The following KIRREL3 variants were observed in gnomAD, a reference collection of about 807,000 sequenced individuals.
KIRREL3 encodes the protein kin of IRRE-like protein 3.
In KIRREL3, 36 loss-of-function variants were observed where a neutral mutation model predicts 89.7. The observed-to-expected ratio is 0.40, with a 90% CI of 0.31 to 0.53. KIRREL3 has a LOEUF of 0.53. Ranked by LOEUF, KIRREL3 falls within the 20% of genes least tolerant of loss-of-function variation. The pLI is 0.49. For synonymous variants in KIRREL3, 445 were observed against 441.4 expected (o/e 1.01, Z -0.10); for missense variants, 864 against 1,056.6 (o/e 0.82, Z 2.53).
At chr11:126,549,291 G>T (rs1298405252) in intron 2 of KIRREL3, 4 of 152,160 alleles carry the variant, frequency 2.6e-5, no homozygotes, top group Non-Finnish European at 5.9e-5. Context: ...AGTTTCCATA[G>T]AAACGAATAC....
rs773309646 is a variant in KIRREL3, at chr11:126,578,984, C to G, written c.56-16072G>C. ...GACTTATGAAGACACTGAGGACCAGCAAGGCGAGACAACTGTTTGAGGCCA... is the reference window on the plus strand; with the variant it reads ...GACTTATGAAGACACTGAGGACCAGGAAGGCGAGACAACTGTTTGAGGCCA... On this transcript the variant is annotated intron_variant, in intron 1 of 16. Transcript: ENST00000525144. This position sits in a 1 kb window ranked among gnomAD's most constrained non-coding sequence, Gnocchi z 4.9. Among the ~76,000 whole-genome samples, 1 of 152,162 alleles carries G rather than the reference C, an allele frequency of 6.6e-6. No homozygotes were observed. Among genetic ancestry groups the G allele is most frequent in the African/African-American group, 2.4e-5 (1 of 41,430 alleles).
At chr11:126,936,646 A>G (rs1948202778) in intron 1 of KIRREL3, 1 of 152,196 alleles carries the variant, frequency 6.6e-6, no homozygotes, top group African/African-American at 2.4e-5. Flanking sequence ...AGTGAAAGCA[A>G]CCAGATACAA....
chr11:126,753,430 A>C (rs1949400470), intron 1 of KIRREL3, among the ~76,000 whole-genome samples: 1 of 152,228 alleles, frequency 6.6e-6, no homozygotes, highest in Non-Finnish European at 1.5e-5. Context: ...ATTACTTAGG[A>C]AAAAACAACA....
intron 2 of KIRREL3, among the ~76,000 whole-genome samples, chr11:126,536,069 A>G (rs755362121): frequency 3.3e-5 from 5 of 152,132 alleles, no homozygotes; most frequent in Non-Finnish European, 7.4e-5. Flanking sequence ...CCAAGATCGC[A>G]CCATTGCACT....
intron 1 of KIRREL3, among the ~76,000 whole-genome samples, chr11:126,862,198 A>G (rs938994137): frequency 6.6e-6 from 1 of 152,224 alleles, no homozygotes; most frequent in African/African-American, 2.4e-5. Context: ...CCTGATGATA[A>G]AGGAGATGCT....
intron 1 of KIRREL3, among the ~76,000 whole-genome samples, chr11:126,929,956 C>CG (rs1295712131): frequency 6.6e-6 from 1 of 152,050 alleles, no homozygotes; most frequent in Non-Finnish European, 1.5e-5. Flanking sequence ...CCACCCCCCC[C>CG]CCCCCACCTC....
rs1955287512 is a variant in KIRREL3 at position 126,435,406 on chromosome 11, T to A, written c.1553-103A>T. The A allele has an allele frequency of 2.6e-6, 3 of 1,145,508 alleles. No individual in the cohort carries two copies. The South Asian group carries it at 3.8e-5, about 14-fold the overall frequency. The allele number at this position is 1,145,508 out of a possible 1,614,324, so 71.0% of individuals were successfully genotyped here. A position where few individuals can be genotyped will look rare whatever the true frequency, so the allele number is the denominator to read the frequency against. On this transcript the variant is annotated intron_variant, in intron 12 of 16. Coordinates refer to ENST00000525144, the MANE Select transcript of KIRREL3 (RefSeq NM_032531.4). ...GAGCGGGGCTGGGTGAGGGGCTCCT[T>A]TCCCAGTCATGTCTCTGGGACCCCC...
chr11:126,616,725 T>A (rs1428250971), intron 1 of KIRREL3, among the ~76,000 whole-genome samples: 1 of 152,230 alleles, frequency 6.6e-6, no homozygotes, highest in Admixed American at 6.5e-5. Flanking sequence ...CACTCCAGCA[T>A]TGAATTCCTG....
chr11:126,940,190 A>C lies in KIRREL3; in HGVS notation c.55+60265T>G, dbSNP rs1224242362. Among the ~76,000 whole-genome samples the C allele has an allele frequency of 6.6e-6, 1 of 152,214 alleles. No homozygotes were observed. Among genetic ancestry groups the C allele is most frequent in the African/African-American group, 2.4e-5 (1 of 41,456 alleles). ...TCCACAAACAGCCTGCTCTCAAAGG[A>C]TTGTCAAACGTGCAACAAATCAGTG... On this transcript the variant is annotated intron_variant, in intron 1 of 16. Coordinates refer to ENST00000525144, the MANE Select transcript of KIRREL3 (RefSeq NM_032531.4). The surrounding 1 kb of genome is among the most constrained non-coding windows in gnomAD (Gnocchi z 4.6).
rs535537899 is a variant in KIRREL3 at position 126,696,668 on chromosome 11, G to T, written c.56-133756C>A. Among the ~76,000 whole-genome samples, 1 of 152,098 alleles carries T rather than the reference G, an allele frequency of 6.6e-6. No individual in the cohort carries two copies. The highest frequency in any genetic ancestry group is 1.5e-5 in the Non-Finnish European group (1 of 68,024). The stretch of plus-strand genomic sequence containing the variant: ...CCGAAAGGGTGGCTCAAACCACATC[G>T]CATGGCTCATAAGGCCCTTGGCGAG... On this transcript the variant is annotated intron_variant, in intron 1 of 16. Coordinates refer to ENST00000525144, the MANE Select transcript of KIRREL3 (RefSeq NM_032531.4). This position sits in a 1 kb window ranked among gnomAD's most constrained non-coding sequence, Gnocchi z 4.4.
intron 1 of KIRREL3, among the ~76,000 whole-genome samples, chr11:126,625,993 T>C (rs879369128): frequency 3.3e-5 from 5 of 152,254 alleles, no homozygotes; most frequent in Admixed American, 6.5e-5. Context: ...GTCTTTGTCA[T>C]TTTTGTCCTC....
At chr11:126,923,195 CTTCT>C (rs1592369275) in intron 1 of KIRREL3, among the ~76,000 whole-genome samples, 3 of 9,288 alleles carry the variant, frequency 3.2e-4, no homozygotes, top group African/African-American at 1.1e-3. Flanking sequence ...TTCTCTTCTT[CTTCT>C]TCTTCTTCTT....
At chr11:126,730,030 C>T (rs1948550104) in intron 1 of KIRREL3, among the ~76,000 whole-genome samples, 1 of 152,174 alleles carries the variant, frequency 6.6e-6, no homozygotes, top group East Asian at 1.9e-4. Flanking sequence ...GTTTCCATTC[C>T]CTCTCAGTCC....
rs779261514 is a variant in KIRREL3 at position 126,995,179 on chromosome 11, A to C, written c.55+5276T>G. 74 of 456,102 alleles carry C rather than the reference A, an allele frequency of 1.6e-4. 3 individuals carry two copies. The highest frequency in any genetic ancestry group is 1.1e-3 in the South Asian group (69 of 64,552). 28.3% of individuals were successfully genotyped at this position (456,102 alleles called of 1,614,324 possible). On this transcript the variant is annotated intron_variant, in intron 1 of 16. Transcript: ENST00000525144. The surrounding 1 kb of genome is among the most constrained non-coding windows in gnomAD (Gnocchi z 6.5). ...GGATATGAAATCCAAGGGAACTGTT[A>C]GCCCCCCAGAGCAGCTGCTCCCACC...
intron 1 of KIRREL3, among the ~76,000 whole-genome samples, chr11:126,725,057 G>A (rs978901161): frequency 6.6e-6 from 1 of 152,152 alleles, no homozygotes; most frequent in Non-Finnish European, 1.5e-5. Context: ...CTGTCTTCTG[G>A]TGCCTGCTTA....
chr11:126,911,581 C>A (rs1275196408), intron 1 of KIRREL3, among the ~76,000 whole-genome samples: 1 of 152,178 alleles, frequency 6.6e-6, no homozygotes, highest in Non-Finnish European at 1.5e-5. Flanking sequence ...AATGATCTGA[C>A]CTGTGGACCA....
At position 126,557,084 on chromosome 11, in the gene KIRREL3, AAC is replaced by A. The variant is rs1475039913; in HGVS notation, c.133+5749_133+5750del. On this transcript the variant is annotated intron_variant, in intron 2 of 16. Transcript: ENST00000525144. The surrounding 1 kb of genome is among the most constrained non-coding windows in gnomAD (Gnocchi z 5.6). ...AGCGCGAGCCAGACTGTACGGCTGC[AAC>A]AGAGTGAGAAGTGCTGCCGGTAGCA... Among the ~76,000 whole-genome samples the A allele has an allele frequency of 6.6e-6, 1 of 152,174 alleles. No homozygotes were observed. The highest frequency in any genetic ancestry group is 6.5e-5 in the Admixed American group (1 of 15,284).
rs4937184 is a variant in KIRREL3 at position 126,776,590 on chromosome 11, A to G, written c.56-213678T>C. The stretch of plus-strand genomic sequence containing the variant: ...GAGATTGAGTCCTTCTCTAGCAATA[A>G]GACCTAGCATGACTCAAAAGCTTGC... On this transcript the variant is annotated intron_variant, in intron 1 of 16. Coordinates refer to ENST00000525144, the MANE Select transcript of KIRREL3 (RefSeq NM_032531.4). This position sits in a 1 kb window ranked among gnomAD's most constrained non-coding sequence, Gnocchi z 4.7. 0.87 allele frequency among the ~76,000 whole-genome samples: 132,136 copies of G among 152,228 alleles called. 57,638 individuals are homozygous for G. The highest frequency in any genetic ancestry group is 1 in the East Asian group (5,173 of 5,180).
In KIRREL3 at chr11:126,520,919, G is replaced by A. The variant is rs761561074; in HGVS notation, c.433+396C>T. Among the ~76,000 whole-genome samples, 7 of 152,150 alleles carry A rather than the reference G, an allele frequency of 4.6e-5. No homozygotes were observed. The East Asian group carries it at 9.6e-4, about 21-fold the overall frequency. ...GGAAAGATAGGGCTTTGTTAGCACC[G>A]GAGTGGGGGTCAGTTCAGAAAGAAG... On this transcript the variant is annotated intron_variant, in intron 4 of 16. Coordinates refer to ENST00000525144, the MANE Select transcript of KIRREL3 (RefSeq NM_032531.4). The surrounding 1 kb of genome is among the most constrained non-coding windows in gnomAD (Gnocchi z 4.9).
Sources: gnomAD v4.1 joint callset for allele counts (sites outside exome capture counted in the v4.1 genomes callset) on GRCh38, gnomAD v4.1.1 for gene constraint, Gnocchi (gnomAD v3.1) non-coding constraint, MANE v1.5 for transcripts, NCBI Gene and HGNC (gene_info 2026-07-23, HGNC 2026-07-21) for gene names.